The following FKBP5 variants were observed in gnomAD, a reference collection of about 807,000 sequenced individuals.
The protein encoded by FKBP5 is peptidyl-prolyl cis-trans isomerase FKBP5.
FKBP5 carries 23 observed loss-of-function variants against 50.5 expected under a neutral mutation model. That is an observed-to-expected ratio of 0.46 (90% CI 0.33 to 0.65). The LOEUF (loss-of-function observed/expected upper bound fraction) is 0.65, where lower values mean the gene tolerates loss of function less well. FKBP5 is among the 30% of genes least tolerant of loss of function. The pLI, the probability that FKBP5 is intolerant of heterozygous loss-of-function variation, is 0.02. For missense variants in FKBP5, 411 were observed against 553.1 expected, an observed-to-expected ratio of 0.74 and a Z score of 2.58; for synonymous variants, 176 against 190.6, an observed-to-expected ratio of 0.92 and a Z score of 0.63.
chr6:35,626,031 A>G (rs1164687322), intron 3 of FKBP5, among the ~76,000 whole-genome samples: 10 of 151,858 alleles, frequency 6.6e-5, no homozygotes, highest in African/African-American at 2.4e-4. Context: ...CGCCTGCCTC[A>G]GCCTCCCAAA....
At chr6:35,662,753 C>G (rs1395745434) in intron 1 of FKBP5, among the ~76,000 whole-genome samples, 2 of 152,064 alleles carry the variant, frequency 1.3e-5, no homozygotes, top group African/African-American at 4.8e-5. Context: ...TTCATTTTTG[C>G]TGCTTTTGGC....
chr6:35,642,190 A>C (rs1054935112), intron 2 of FKBP5, among the ~76,000 whole-genome samples: 9 of 152,148 alleles, frequency 5.9e-5, no homozygotes, highest in African/African-American at 1.7e-4. Flanking sequence ...TTAGAGTGAG[A>C]TATAACTTGG....
Position 35,620,067 on chromosome 6 carries a change from G to C in FKBP5, c.393+65C>G. On this transcript the variant is annotated intron_variant, in intron 4 of 10. Coordinates refer to ENST00000357266, the MANE Select transcript of FKBP5 (RefSeq NM_004117.4). ...AGCTTAGCTCCTTTTCCCACTGCCT[G>C]TTGCTTCAAAGCCATTCCTATTGTA... 3 of 1,591,862 alleles carry C rather than the reference G, an allele frequency of 1.9e-6. No homozygotes were observed. In the South Asian group the frequency reaches 3.3e-5, roughly 18 times the overall value.
chr6:35,635,437 C>A (rs994444575), intron 3 of FKBP5, among the ~76,000 whole-genome samples: 1 of 151,556 alleles, frequency 6.6e-6, no homozygotes, highest in Non-Finnish European at 1.5e-5. Flanking sequence ...GGTGACAGAT[C>A]GAGACCCTGT....
intron 7 of FKBP5, among the ~76,000 whole-genome samples, chr6:35,587,898 A>G (rs1289580832): frequency 1.3e-5 from 2 of 152,222 alleles, no homozygotes; most frequent in Non-Finnish European, 2.9e-5. Context: ...GGGTGTGGTC[A>G]GTGCTATTTA....
chr6:35,685,199 A>G (rs537410900), intron 1 of FKBP5, among the ~76,000 whole-genome samples: 1 of 152,344 alleles, frequency 6.6e-6, no homozygotes, highest in Admixed American at 6.5e-5. Flanking sequence ...TTAATCTGTT[A>G]GTAACCTGCT....
At position 35,688,786 on chromosome 6, in the gene FKBP5, T is replaced by C. The variant is rs9462103; in HGVS notation, c.-20+18A>G. ...GCCGCGGCCGGCCGCCCCATCTCCGTGGCCATGGCGCCGGTACCTGTCGCC... is the reference window on the plus strand; with the variant it reads ...GCCGCGGCCGGCCGCCCCATCTCCGCGGCCATGGCGCCGGTACCTGTCGCC... On this transcript the variant is annotated intron_variant, in intron 1 of 10. Transcript: ENST00000357266. The C allele has an allele frequency of 0.78, 116,749 of 150,640 alleles. 45,766 individuals are homozygous for C. The highest frequency in any genetic ancestry group is 0.9 in the African/African-American group (37,341 of 41,362). The allele number at this position is 150,640 out of a possible 1,614,324, so 9.3% of individuals were successfully genotyped here.
intron 6 of FKBP5, among the ~76,000 whole-genome samples, chr6:35,591,445 C>T (rs1762816979): frequency 6.6e-6 from 1 of 152,126 alleles, no homozygotes; most frequent in South Asian, 2.1e-4. Context: ...CCTTCACATT[C>T]ACATGTAATG....
intron 1 of FKBP5, among the ~76,000 whole-genome samples, chr6:35,649,167 C>T (rs186847366): frequency 7.5e-5 from 11 of 147,186 alleles, no homozygotes; most frequent in Admixed American, 4.2e-4. Flanking sequence ...AGAAGAATGG[C>T]GTGAACCCGG....
intron 3 of FKBP5, 90 bp downstream of exon 3, chr6:35,636,919 TCTTTA>T: frequency 8.4e-7 from 1 of 1,191,956 alleles, no homozygotes; most frequent in African/African-American, 1.6e-5. Flanking sequence ...CTCTAAAATT[TCTTTA>T]CTTTTAGAAA....
At chr6:35,694,876 T>C (rs56311918) in intron 2 of FKBP5, among the ~76,000 whole-genome samples, 30,183 of 152,186 alleles carry the variant, frequency 0.2, 3,741 homozygotes, top group South Asian at 0.31. Context: ...AGATAGTATA[T>C]AGTTTAGACT....
At chr6:35,604,480 G>A (rs1313001894) in intron 5 of FKBP5, among the ~76,000 whole-genome samples, 1 of 152,140 alleles carries the variant, frequency 6.6e-6, no homozygotes, top group Non-Finnish European at 1.5e-5. Context: ...ATGGTTTCAA[G>A]AATTTGCTCC....
chr6:35,668,727 C>T (rs778384749), intron 1 of FKBP5, among the ~76,000 whole-genome samples: 1 of 151,824 alleles, frequency 6.6e-6, no homozygotes, highest in Non-Finnish European at 1.5e-5. Context: ...TGTGAAGTCA[C>T]CTCTTTTGTT....
At position 35,677,324 on chromosome 6, in the gene FKBP5, C is replaced by T. The variant is rs971203841; in HGVS notation, c.-20+11480G>A. 3.3e-5 allele frequency among the ~76,000 whole-genome samples: 5 copies of T among 152,132 alleles called. No individual in the cohort carries two copies. In the East Asian group the frequency reaches 7.7e-4, roughly 23 times the overall value. ...TCCTGACCTTGTGATCCGCCCGCCT[C>T]GGCCTCCCAAAGTGCTGGGATTACA... On this transcript the variant is annotated intron_variant, in intron 1 of 10. Coordinates refer to ENST00000357266, the MANE Select transcript of FKBP5 (RefSeq NM_004117.4).
At chr6:35,620,102 CTG>C in intron 4 of FKBP5, 28 bp downstream of exon 4, 1 of 1,613,394 alleles carries the variant, frequency 6.2e-7, no homozygotes, top group Non-Finnish European at 8.5e-7. Flanking sequence ...AGAGCAGATG[CTG>C]ACAAGGCAAC....
At chr6:35,627,151 C>CT (rs1393206073) in intron 3 of FKBP5, among the ~76,000 whole-genome samples, 1 of 152,120 alleles carries the variant, frequency 6.6e-6, no homozygotes, top group Non-Finnish European at 1.5e-5. Flanking sequence ...GTTGTTTTCT[C>CT]TTTTTTTAAC....
In FKBP5 at chr6:35,715,416, A is replaced by C. The variant is rs536453092; in HGVS notation, c.-20+4912T>G. On this transcript the variant is annotated intron_variant, in intron 2 of 11. Transcript: ENST00000536438. ...TTATGAGGCTTAAACAAGCTTATAT[A>C]TATATGCTTGTTTATATATATGTAT... Among the ~76,000 whole-genome samples the C allele has an allele frequency of 6.6e-5, 10 of 152,318 alleles. No homozygotes were observed. In the South Asian group the frequency reaches 2.1e-3, roughly 32 times the overall value.
intron 6 of FKBP5, among the ~76,000 whole-genome samples, chr6:35,595,699 G>A (rs564165989): frequency 2.6e-5 from 4 of 151,884 alleles, no homozygotes; most frequent in Non-Finnish European, 4.4e-5. Context: ...TACAGTGAGC[G>A]TGACTGTGCC....
chr6:35,597,928 TA>T (rs1433489361), intron 5 of FKBP5, among the ~76,000 whole-genome samples: 2 of 152,192 alleles, frequency 1.3e-5, no homozygotes, highest in Admixed American at 6.5e-5. Flanking sequence ...TATATCTGAA[TA>T]AAAATGGTAA....
Sources: gnomAD v4.1 joint callset for allele counts (sites outside exome capture counted in the v4.1 genomes callset) on GRCh38, gnomAD v4.1.1 for gene constraint, MANE v1.5 for transcripts, NCBI Gene and HGNC (gene_info 2026-07-23, HGNC 2026-07-21) for gene names.